EFCAB8: variants seen among roughly 807,000 people sequenced by gnomAD.
The protein encoded by EFCAB8 is EF-hand calcium-binding domain-containing protein 8.
A neutral mutation model predicts 116.3 loss-of-function variants in EFCAB8; 100 were observed. The ratio of observed to expected loss-of-function variants is 0.86; its 90% CI spans 0.73 to 1.02. The LOEUF is 1.02. Among genes scored for constraint, EFCAB8 ranks in the 50% least tolerant of loss-of-function variants. The probability of loss-of-function intolerance (pLI) is 0.00; values close to 1 mark genes in which losing one functional copy is unlikely to be tolerated. For synonymous variants in EFCAB8, 558 were observed against 567.9 expected (o/e 0.98, Z 0.25); for missense variants, 1,320 against 1,416.9 (o/e 0.93, Z 1.10).
intron 23 of EFCAB8, among the ~76,000 whole-genome samples, chr20:32,955,843 G>A (rs902578488): frequency 3.9e-5 from 6 of 152,168 alleles, no homozygotes; most frequent in African/African-American, 1.2e-4. Context: ...TGTTAAAAAC[G>A]ACCCTTTCAG....
chr20:32,919,138 G>A (rs1987336110), intron 19 of EFCAB8, among the ~76,000 whole-genome samples: 1 of 152,206 alleles, frequency 6.6e-6, no homozygotes, highest in African/African-American at 2.4e-5. Context: ...ACTTGCAGGG[G>A]ATGGCTTGCC....
intron 20 of EFCAB8, among the ~76,000 whole-genome samples, chr20:32,927,435 C>T (rs374838246): frequency 1.4e-4 from 21 of 152,244 alleles, no homozygotes; most frequent in African/African-American, 4.8e-4. Flanking sequence ...ACCTCCGCCT[C>T]CCAAGTACCA....
chr20:32,939,185 T>TTCC (rs1988287028), intron 22 of EFCAB8, among the ~76,000 whole-genome samples: 1 of 105,810 alleles, frequency 9.5e-6, no homozygotes, highest in Non-Finnish European at 2.0e-5. Flanking sequence ...CTTTCTTTCT[T>TTCC]TCTTTCTTTC....
chr20:32,926,217 A>C (rs995232633), intron 20 of EFCAB8, among the ~76,000 whole-genome samples: 1 of 152,256 alleles, frequency 6.6e-6, no homozygotes, highest in African/African-American at 2.4e-5. Context: ...TTTGTGGTGC[A>C]TCACTTTGGT....
In EFCAB8 at chr20:32,952,019, G is replaced by T. The variant is rs188746641; in HGVS notation, c.2960-6402G>T. Among the ~76,000 whole-genome samples the T allele has an allele frequency of 3.5e-3, 532 of 152,256 alleles. 4 individuals carry two copies. Among genetic ancestry groups the T allele is most frequent in the Middle Eastern group, 0.017 (5 of 294 alleles). On this transcript the variant is annotated intron_variant, in intron 23 of 26. Transcript: ENST00000400522. ...TCACGCCTGTAATACCAGCACTTTG[G>T]GGGGCCAAAGTGGGTGGATTGCTTG...
intron 23 of EFCAB8, among the ~76,000 whole-genome samples, chr20:32,951,510 T>C (rs1988800345): frequency 6.6e-6 from 1 of 152,122 alleles, no homozygotes; most frequent in Non-Finnish European, 1.5e-5. Flanking sequence ...TGCAAACAAA[T>C]GTGTAGTGTG....
At chr20:32,881,705 A>T (rs1302236395) in intron 5 of EFCAB8, among the ~76,000 whole-genome samples, 1 of 152,184 alleles carries the variant, frequency 6.6e-6, no homozygotes, top group Admixed American at 6.6e-5. Flanking sequence ...AAGCTACTGT[A>T]GCGAGTGCCT....
At chr20:32,891,199 T>C (rs1985891911) in intron 7 of EFCAB8, among the ~76,000 whole-genome samples, 1 of 152,120 alleles carries the variant, frequency 6.6e-6, no homozygotes, top group Admixed American at 6.6e-5. Context: ...AACCTCTGCC[T>C]CCCGGGTTCA....
Position 32,939,125 on chromosome 20 carries a change from C to CTCTTTCTTTCTTTCTT in EFCAB8, c.2791-4448_2791-4433dup, listed in dbSNP as rs56136077. On this transcript the variant is annotated intron_variant, in intron 22 of 26. Coordinates refer to ENST00000400522, the MANE Select transcript of EFCAB8 (RefSeq NM_001143967.2). ...CCTTCCTTTCTTTCTCTCTTTCTTT[C>CTCTTTCTTTCTTTCTT]TCTTTCTTTCTTTCTTTCTTTCTTT... is the stretch of plus-strand genomic sequence containing the variant. Among the ~76,000 whole-genome samples, 120 of 56,544 alleles carry CTCTTTCTTTCTTTCTT rather than the reference C, an allele frequency of 2.1e-3. 2 individuals carry two copies. The highest frequency in any genetic ancestry group is 7.9e-3 in the East Asian group (14 of 1,762). The allele number at this position is 56,544 out of a possible 152,430, so 37.1% of individuals were successfully genotyped here. A position where few individuals can be genotyped will look rare whatever the true frequency, so the allele number is the denominator to read the frequency against.
chr20:32,914,722 A>G (rs185518344), intron 17 of EFCAB8, among the ~76,000 whole-genome samples: 17 of 152,256 alleles, frequency 1.1e-4, no homozygotes, highest in Non-Finnish European at 1.8e-4. Context: ...AGCATGAGGG[A>G]AACTGCCCCC....
intron 22 of EFCAB8, among the ~76,000 whole-genome samples, chr20:32,933,372 T>C (rs1987979583): frequency 6.6e-6 from 1 of 152,234 alleles, no homozygotes. Context: ...TGTAGACATT[T>C]CTGAGGCACA....
rs1013455424 is a variant in EFCAB8 at position 32,961,468 on chromosome 20, G to A, written c.3726G>A (p.Ser1242=). ...CCTCCACAGCCCATTCCACCCCCTC[G>A]GTCCCATCCCCGGTGTCCAAGTCCA... The part of the protein sequence containing the change: ...QSASTAHSTP[S]VPSPVSKSTL... Residue 1242 remains serine, a synonymous_variant, in exon 27 of 27, where the codon TCG becomes TCA. Coordinates refer to ENST00000400522, the MANE Select transcript of EFCAB8 (RefSeq NM_001143967.2). The A allele has an allele frequency of 1.2e-5, 18 of 1,450,602 alleles. No homozygotes were observed. The highest frequency in any genetic ancestry group is 4.3e-5 in the African/African-American group (3 of 69,642). 89.9% of individuals were successfully genotyped at this position (1,450,602 alleles called of 1,614,324 possible).
intron 3 of EFCAB8, among the ~76,000 whole-genome samples, chr20:32,875,585 A>G (rs151169872): frequency 0.018 from 2,666 of 144,528 alleles, 82 homozygotes; most frequent in African/African-American, 0.064. Context: ...GCTCACTGCA[A>G]CCTCTGCCTC....
chr20:32,929,414 G>A lies in EFCAB8; in HGVS notation c.2413-984G>A, dbSNP rs531238703. Among the ~76,000 whole-genome samples, 58 of 151,094 alleles carry A rather than the reference G, an allele frequency of 3.8e-4. 2 individuals carry two copies. Among genetic ancestry groups the A allele is most frequent in the Non-Finnish European group, 7.4e-5 (5 of 67,844 alleles). ...TTTCTACAACAATAAGGATAATTGA[G>A]ATTTTTTTCTTTCTTTTCTTTTCTT... On this transcript the variant is annotated intron_variant, in intron 20 of 26. Transcript: ENST00000400522.
intron 23 of EFCAB8, among the ~76,000 whole-genome samples, chr20:32,952,689 A>C (rs113378120): frequency 2.9e-4 from 44 of 152,344 alleles, no homozygotes; most frequent in Middle Eastern, 3.4e-3. Flanking sequence ...AGGTATCCAC[A>C]TTGTGAGTAC....
intron 8 of EFCAB8, 39 bp from the exon 9 acceptor site, chr20:32,893,135 C>A: frequency 1.3e-6 from 2 of 1,551,016 alleles, no homozygotes; most frequent in South Asian, 2.4e-5. Flanking sequence ...GCCACCGCGC[C>A]CAGCCCACAC....
intron 3 of EFCAB8, among the ~76,000 whole-genome samples, chr20:32,873,719 AG>A (rs1333611899): frequency 6.6e-6 from 1 of 150,394 alleles, no homozygotes; most frequent in Non-Finnish European, 1.5e-5. Context: ...AAAAATTAGC[AG>A]GAAGTAGCTT....
chr20:32,884,918 C>A (rs988011494), intron 5 of EFCAB8, among the ~76,000 whole-genome samples: 2 of 152,168 alleles, frequency 1.3e-5, no homozygotes, highest in Non-Finnish European at 2.9e-5. Context: ...AGCATCAAAG[C>A]CTGTATGAAT....
Position 32,892,110 on chromosome 20 carries a change from A to AG in EFCAB8, c.674-99dup, listed in dbSNP as rs1985948216. On this transcript the variant is annotated intron_variant, in intron 7 of 26. Coordinates refer to ENST00000400522, the MANE Select transcript of EFCAB8 (RefSeq NM_001143967.2). Reference sequence around the variant, plus strand: ...GTTGCCATGGGGGAAAAAGGGCTGAAGGGGCCAGAGATTCCTTGGGATAGC... The same window carrying AG: ...GTTGCCATGGGGGAAAAAGGGCTGAAGGGGGCCAGAGATTCCTTGGGATAGC... 2.9e-6 allele frequency: 3 copies of AG among 1,036,000 alleles called. No individual in the cohort carries two copies. The East Asian group carries it at 7.9e-5, about 27-fold the overall frequency. 64.2% of individuals were successfully genotyped at this position (1,036,000 alleles called of 1,614,324 possible). A position where few individuals can be genotyped will look rare whatever the true frequency, so the allele number is the denominator to read the frequency against.
Sources: gnomAD v4.1 joint callset for allele counts (sites outside exome capture counted in the v4.1 genomes callset) on GRCh38, gnomAD v4.1.1 for gene constraint, MANE v1.5 for transcripts, NCBI Gene and HGNC (gene_info 2026-07-23, HGNC 2026-07-21) for gene names.